AGBL4: variants seen among roughly 807,000 people sequenced by gnomAD.
The protein encoded by AGBL4 is AGBL carboxypeptidase 4, also known as cytosolic carboxypeptidase 6.
A neutral mutation model predicts 66.4 loss-of-function variants in AGBL4; 58 were observed. That is an observed-to-expected ratio of 0.87 (90% CI 0.71 to 1.09). The LOEUF is 1.09. Ranked by LOEUF, AGBL4 falls within the 50% of genes least tolerant of loss-of-function variation. The pLI, the probability that AGBL4 is intolerant of heterozygous loss-of-function variation, is 0.00. For synonymous variants in AGBL4, 234 were observed against 222.9 expected, an observed-to-expected ratio of 1.05 and a Z score of -0.44; for missense variants, 579 against 631.0, an observed-to-expected ratio of 0.92 and a Z score of 0.88.
intron 2 of AGBL4, among the ~76,000 whole-genome samples, chr1:49,816,483 C>T (rs1043292465): frequency 2.6e-5 from 4 of 152,024 alleles, no homozygotes; most frequent in Non-Finnish European, 5.9e-5. Context: ...TTTTATCCAG[C>T]GATTGGTAAA....
chr1:48,550,582 G>A (rs1644234620), intron 11 of AGBL4, among the ~76,000 whole-genome samples: 1 of 152,126 alleles, frequency 6.6e-6, no homozygotes, highest in African/African-American at 2.4e-5. Flanking sequence ...TCCATATAAG[G>A]TATTATTGAT....
chr1:49,554,633 G>A (rs1315036694), intron 3 of AGBL4, among the ~76,000 whole-genome samples: 2 of 152,158 alleles, frequency 1.3e-5, no homozygotes, highest in Admixed American at 1.3e-4. Context: ...TCCATCAATT[G>A]TCCCGCCCAC....
chr1:48,634,377 T>C (rs1430757129), intron 9 of AGBL4, 116 bp downstream of exon 9: 6 of 779,650 alleles, frequency 7.7e-6, no homozygotes, highest in Non-Finnish European at 1.2e-5. Flanking sequence ...AGTGCCTCCC[T>C]GGTTTTAGCT....
chr1:49,216,921 C>T (rs1242114048), intron 4 of AGBL4, among the ~76,000 whole-genome samples: 2 of 152,270 alleles, frequency 1.3e-5, no homozygotes, highest in Non-Finnish European at 2.9e-5. Flanking sequence ...ATGGCTCCCC[C>T]TCGGTCCTTT....
chr1:49,039,697 G>T (rs1643892925), intron 5 of AGBL4, among the ~76,000 whole-genome samples: 1 of 151,924 alleles, frequency 6.6e-6, no homozygotes, highest in Admixed American at 6.6e-5. Context: ...AACTCACAAT[G>T]AACTATACAC....
chr1:49,971,848 C>A (rs994548380), intron 1 of AGBL4, among the ~76,000 whole-genome samples: 1 of 127,218 alleles, frequency 7.9e-6, no homozygotes, highest in Non-Finnish European at 1.7e-5. Flanking sequence ...ATCTTACAAG[C>A]GTTTTTGAAA....
At chr1:48,757,117 C>A (rs920082150) in intron 6 of AGBL4, among the ~76,000 whole-genome samples, 4 of 152,186 alleles carry the variant, frequency 2.6e-5, no homozygotes, top group African/African-American at 9.7e-5. Flanking sequence ...TCATGAAAAA[C>A]AGGTAGTTTC....
intron 3 of AGBL4, among the ~76,000 whole-genome samples, chr1:49,345,778 T>G (rs1013982540): frequency 1.3e-5 from 2 of 152,202 alleles, no homozygotes; most frequent in Non-Finnish European, 2.9e-5. Context: ...AAACTATTTG[T>G]GAGTATTCTT....
chr1:49,683,438 C>T (rs189765643), intron 3 of AGBL4, among the ~76,000 whole-genome samples: 1 of 152,270 alleles, frequency 6.6e-6, no homozygotes, highest in East Asian at 1.9e-4. Flanking sequence ...TATCTCAGTG[C>T]TAGCTATTTC....
intron 3 of AGBL4, among the ~76,000 whole-genome samples, chr1:49,500,092 A>T (rs1453508600): frequency 6.6e-6 from 1 of 151,928 alleles, no homozygotes; most frequent in Non-Finnish European, 1.5e-5. Flanking sequence ...TTGGTATTGC[A>T]TTGTGGTTTT....
At chr1:48,594,802 G>T (rs1381711670) in intron 9 of AGBL4, among the ~76,000 whole-genome samples, 1 of 152,028 alleles carries the variant, frequency 6.6e-6, no homozygotes, top group African/African-American at 2.4e-5. Flanking sequence ...ATTTGGTTGG[G>T]ATCAAATGGA....
At chr1:49,890,431 A>G (rs1648525262) in intron 1 of AGBL4, among the ~76,000 whole-genome samples, 1 of 152,094 alleles carries the variant, frequency 6.6e-6, no homozygotes, top group South Asian at 2.1e-4. Context: ...TTTGCCAGAC[A>G]TTGTTCTACG....
chr1:49,722,774 GA>G (rs1648709618), intron 2 of AGBL4, among the ~76,000 whole-genome samples: 1 of 152,040 alleles, frequency 6.6e-6, no homozygotes, highest in South Asian at 2.1e-4. Context: ...TTCTAACTCT[GA>G]AAAGATTTTT....
intron 1 of AGBL4, among the ~76,000 whole-genome samples, chr1:49,864,828 T>C (rs1000216220): frequency 7.2e-5 from 11 of 152,192 alleles, no homozygotes; most frequent in Non-Finnish European, 4.4e-5. Context: ...CTGTCATCAC[T>C]GCGGCTGCCT....
rs561077957 is a variant in AGBL4 at position 49,079,711 on chromosome 1, C to G, written c.378-33911G>C. Among the ~76,000 whole-genome samples, 91 of 152,248 alleles carry G rather than the reference C, an allele frequency of 6.0e-4. 3 individuals are homozygous for G. The South Asian group carries it at 0.017, about 29-fold the overall frequency. ...TGTAGTGTAGGCACTACTGGAGAAT[C>G]CTACCCAGGTAAAAATGGTGGAATT... is the stretch of plus-strand genomic sequence containing the variant. On this transcript the variant is annotated intron_variant, in intron 4 of 13. Transcript: ENST00000371839.
chr1:49,217,678 C>T (rs761856264), intron 4 of AGBL4, among the ~76,000 whole-genome samples: 2 of 152,148 alleles, frequency 1.3e-5, no homozygotes, highest in Non-Finnish European at 2.9e-5. Context: ...ATAATACACA[C>T]TCAATAAAAG....
chr1:49,541,323 A>G (rs1652001636), intron 3 of AGBL4, among the ~76,000 whole-genome samples: 1 of 151,944 alleles, frequency 6.6e-6, no homozygotes, highest in Non-Finnish European at 1.5e-5. Flanking sequence ...GCTTGCAGAG[A>G]GGTGTGGAGG....
At chr1:49,068,228 C>T (rs1388484056) in intron 4 of AGBL4, among the ~76,000 whole-genome samples, 3 of 151,178 alleles carry the variant, frequency 2.0e-5, no homozygotes, top group African/African-American at 2.4e-5. Context: ...AAATATAACC[C>T]TTTTTCTCTT....
At chr1:49,943,964 A>G (rs1406365262) in intron 1 of AGBL4, among the ~76,000 whole-genome samples, 1 of 151,928 alleles carries the variant, frequency 6.6e-6, no homozygotes, top group East Asian at 1.9e-4. Context: ...TGGGAGTAAG[A>G]CCAGTCTTCG....
Sources: allele counts gnomAD v4.1 joint callset (sites outside exome capture counted in the v4.1 genomes callset), GRCh38; gene constraint gnomAD v4.1.1; transcripts MANE v1.5; gene names NCBI Gene and HGNC (gene_info 2026-07-23, HGNC 2026-07-21).